PTPRK: variants seen among roughly 807,000 people sequenced by gnomAD.
PTPRK encodes the protein receptor-type tyrosine-protein phosphatase kappa.
In PTPRK, 75 loss-of-function variants were observed where a neutral mutation model predicts 178.0. The ratio of observed to expected loss-of-function variants is 0.42; its 90% CI spans 0.35 to 0.51. The LOEUF is 0.51. PTPRK is among the 20% of genes least tolerant of loss of function. The pLI, the probability that PTPRK is intolerant of heterozygous loss-of-function variation, is 0.02. For synonymous variants in PTPRK, 637 were observed against 620.6 expected, an observed-to-expected ratio of 1.03 and a Z score of -0.39; for missense variants, 1,441 against 1,797.8, an observed-to-expected ratio of 0.80 and a Z score of 3.59.
intron 13 of PTPRK, among the ~76,000 whole-genome samples, chr6:128,042,707 C>T (rs1207987701): frequency 1.3e-5 from 2 of 152,012 alleles, no homozygotes; most frequent in Non-Finnish European, 2.9e-5. Flanking sequence ...TTTACAGCAT[C>T]TGGGGATTAG....
At chr6:128,020,918 T>G (rs1251990203) in intron 13 of PTPRK, among the ~76,000 whole-genome samples, 1 of 152,180 alleles carries the variant, frequency 6.6e-6, no homozygotes, top group Non-Finnish European at 1.5e-5. Context: ...ATGGTTTAAA[T>G]CACGTTAATA....
chr6:128,460,450 G>A (rs1286552640), intron 1 of PTPRK, among the ~76,000 whole-genome samples: 11 of 152,100 alleles, frequency 7.2e-5, no homozygotes. Context: ...GCTGAGGTGG[G>A]AGGATCACTT....
chr6:128,161,303 C>A (rs1304494131), intron 7 of PTPRK, among the ~76,000 whole-genome samples: 4 of 151,592 alleles, frequency 2.6e-5, no homozygotes, highest in Admixed American at 2.6e-4. Flanking sequence ...AGTTCATGTT[C>A]TAGTAGCCCT....
At chr6:128,199,097 C>T (rs1189555968) in intron 6 of PTPRK, among the ~76,000 whole-genome samples, 1 of 152,148 alleles carries the variant, frequency 6.6e-6, no homozygotes, top group Non-Finnish European at 1.5e-5. Flanking sequence ...ACCCTATGAC[C>T]TAGCAATTCC....
intron 3 of PTPRK, among the ~76,000 whole-genome samples, chr6:128,258,365 T>C (rs569498832): frequency 1.3e-5 from 2 of 152,164 alleles, no homozygotes; most frequent in Non-Finnish European, 2.9e-5. Flanking sequence ...AGAGTAATCA[T>C]GCATGGTTTA....
At chr6:128,217,801 A>T (rs1325079730) in intron 6 of PTPRK, among the ~76,000 whole-genome samples, 1 of 152,070 alleles carries the variant, frequency 6.6e-6, no homozygotes, top group African/African-American at 2.4e-5. Flanking sequence ...TCCTTACTCA[A>T]AGAAAACTCA....
At chr6:128,211,680 TA>T (rs2128265880) in intron 6 of PTPRK, among the ~76,000 whole-genome samples, 1 of 152,242 alleles carries the variant, frequency 6.6e-6, no homozygotes, top group South Asian at 2.1e-4. Context: ...GTATATTAGC[TA>T]GCTTTTTAAA....
Position 128,252,401 on chromosome 6 carries a change from G to A in PTPRK, c.496-9799C>T, listed in dbSNP as rs7748675. Among the ~76,000 whole-genome samples, 1,347 of 152,284 alleles carry A rather than the reference G, an allele frequency of 8.8e-3. 21 individuals are homozygous for A. Among genetic ancestry groups the A allele is most frequent in the African/African-American group, 0.03 (1,263 of 41,558 alleles). ...GCACTTGTAAACGATTATCAATGGT[G>A]TTTTTAATTAGAATAGATGTTGACG... On this transcript the variant is annotated intron_variant, in intron 3 of 29. Transcript: ENST00000368226.
chr6:128,189,215 T>C lies in PTPRK; in HGVS notation c.869-4490A>G, dbSNP rs536185512. 2.0e-5 allele frequency among the ~76,000 whole-genome samples: 3 copies of C among 149,438 alleles called. No individual in the cohort carries two copies. In the South Asian group the frequency reaches 6.3e-4, roughly 31 times the overall value. On this transcript the variant is annotated intron_variant, in intron 6 of 29. Transcript: ENST00000368226. ...TTTAAGAGTTAATAATTTATATATA[T>C]ATCATATTTTACTCTTTTTCTTTTT...
intron 2 of PTPRK, among the ~76,000 whole-genome samples, chr6:128,359,934 G>C (rs1373805811): frequency 6.6e-6 from 1 of 152,118 alleles, no homozygotes; most frequent in Non-Finnish European, 1.5e-5. Flanking sequence ...AGGAATGCTG[G>C]TCTTTTTCAC....
chr6:128,296,159 C>T (rs995906919), intron 3 of PTPRK, among the ~76,000 whole-genome samples: 1 of 152,114 alleles, frequency 6.6e-6, no homozygotes, highest in South Asian at 2.1e-4. Flanking sequence ...TTCTTGCTCA[C>T]TGCCATCTAG....
intron 13 of PTPRK, among the ~76,000 whole-genome samples, chr6:128,038,648 T>G (rs972106176): frequency 6.6e-6 from 1 of 152,206 alleles, no homozygotes; most frequent in African/African-American, 2.4e-5. Flanking sequence ...AGGACCACTA[T>G]GCACTTAAAG....
intron 8 of PTPRK, among the ~76,000 whole-genome samples, chr6:128,087,297 G>A (rs1044470861): frequency 1.3e-5 from 2 of 152,028 alleles, no homozygotes; most frequent in African/African-American, 2.4e-5. Flanking sequence ...ATGTAACTGA[G>A]TCTACCATTA....
chr6:128,044,367 T>C (rs4265047), intron 13 of PTPRK, among the ~76,000 whole-genome samples: 118,685 of 151,940 alleles, frequency 0.78, 47,436 homozygotes, highest in South Asian at 0.95. Context: ...GCCACCATTG[T>C]AGCAGTATGT....
In PTPRK at chr6:128,233,929, T is replaced by C. The variant is rs1254252559; in HGVS notation, c.693+6106A>G. On this transcript the variant is annotated intron_variant, in intron 5 of 29. Transcript: ENST00000368226. ...GCAGGCCTGCCAAGCGCTGTAATGA[T>C]GGATGGAGTCATTAGTATTTTAGTT... 2.6e-5 allele frequency among the ~76,000 whole-genome samples: 4 copies of C among 152,226 alleles called. No homozygotes were observed. In the East Asian group the frequency reaches 7.7e-4, roughly 29 times the overall value.
At chr6:128,065,094 CG>C (rs1311407886) in intron 12 of PTPRK, among the ~76,000 whole-genome samples, 1 of 152,052 alleles carries the variant, frequency 6.6e-6, no homozygotes, top group Admixed American at 6.6e-5. Context: ...TATAGTGCTT[CG>C]TAAACTATCA....
chr6:128,078,977 G>T, intron 10 of PTPRK, 59 bp from the exon 11 acceptor site: 3 of 1,130,970 alleles, frequency 2.7e-6, no homozygotes, highest in Middle Eastern at 2.0e-4. Context: ...TATATCACAG[G>T]TCAGAATGAA....
At chr6:128,487,983 A>G (rs1853213686) in intron 1 of PTPRK, among the ~76,000 whole-genome samples, 1 of 152,150 alleles carries the variant, frequency 6.6e-6, no homozygotes, top group African/African-American at 2.4e-5. Context: ...GGAATTTACT[A>G]AGGAGTACTG....
intron 5 of PTPRK, among the ~76,000 whole-genome samples, chr6:128,234,295 G>A (rs1057194208): frequency 2.0e-5 from 3 of 152,126 alleles, no homozygotes; most frequent in South Asian, 2.1e-4. Flanking sequence ...CAGTAAGTTC[G>A]TTATTTGATA....
Sources: gnomAD v4.1 joint callset for allele counts (sites outside exome capture counted in the v4.1 genomes callset) on GRCh38, gnomAD v4.1.1 for gene constraint, MANE v1.5 for transcripts, NCBI Gene and HGNC (gene_info 2026-07-23, HGNC 2026-07-21) for gene names.